The following WFS1 variants were observed in gnomAD, a reference collection of about 807,000 sequenced individuals.
WFS1 encodes the protein wolframin.
In WFS1, 90 loss-of-function variants were observed where a neutral mutation model predicts 68.5. The observed-to-expected ratio is 1.31, with a 90% CI of 1.11 to 1.56. The LOEUF is 1.56. Ranked by LOEUF, WFS1 falls within the 40% of genes most tolerant of loss-of-function variation. The pLI, the probability that WFS1 is intolerant of heterozygous loss-of-function variation, is 0.00. For synonymous variants in WFS1, 860 were observed against 540.7 expected, an observed-to-expected ratio of 1.59 and a Z score of -8.19; for missense variants, 1,767 against 1,232.6, an observed-to-expected ratio of 1.43 and a Z score of -6.49.
chr4:6,280,228 G>T (rs541530627), intron 2 of WFS1, among the ~76,000 whole-genome samples: 2 of 152,340 alleles, frequency 1.3e-5, no homozygotes, highest in East Asian at 3.9e-4. Context: ...GAGAGGTGTT[G>T]TCTGTCCTGA....
At position 6,283,099 on chromosome 4, in the gene WFS1, G is replaced by A. The variant is rs1244890604; in HGVS notation, c.233-3994G>A. ...ATGGCAGTGGGCTGTGCCGGGAAGG[G>A]GCGCATCCTGGAGGATGCCCTAGGT... On this transcript the variant is annotated intron_variant, in intron 2 of 7. Coordinates refer to ENST00000226760, the MANE Select transcript of WFS1 (RefSeq NM_006005.3). This position sits in a 1 kb window ranked among gnomAD's most constrained non-coding sequence, Gnocchi z 5.0. Among the ~76,000 whole-genome samples, 3 of 152,218 alleles carry A rather than the reference G, an allele frequency of 2.0e-5. No homozygotes were observed. The East Asian group carries it at 5.8e-4, about 29-fold the overall frequency.
chr4:6,289,101 C>T lies in WFS1; in HGVS notation c.430C>T (p.Leu144=). 1 of 1,582,390 alleles carries T rather than the reference C, an allele frequency of 6.3e-7. No individual in the cohort carries two copies. The highest frequency in any genetic ancestry group is 1.3e-5 in the African/African-American group (1 of 74,456). The stretch of plus-strand genomic sequence containing the variant: ...GCAGGGCCGTCGCGAGGCTGTGAAG[C>T]TGCTTCGCCGGTGCTTGGCGGACAG... The part of the protein sequence containing the change: ...AKQGRREAVK[L]LRRCLADRRG... Residue 144 remains leucine (L), a synonymous_variant, in exon 4 of 8, where the codon CTG becomes TTG. Coordinates refer to ENST00000226760, the MANE Select transcript of WFS1 (RefSeq NM_006005.3).
chr4:6,295,953 C>G (rs903381377), intron 7 of WFS1, among the ~76,000 whole-genome samples: 2 of 152,232 alleles, frequency 1.3e-5, no homozygotes, highest in African/African-American at 2.4e-5. Flanking sequence ...CCTCCTGACC[C>G]AGGATCCCCA....
chr4:6,291,420 A>G, intron 5 of WFS1, 53 bp downstream of exon 5: 1 of 1,598,358 alleles, frequency 6.3e-7, no homozygotes, highest in Non-Finnish European at 8.5e-7. Context: ...GCCTTCCCAC[A>G]GGAGCCAGGA....
chr4:6,275,500 G>A (rs894287093), intron 1 of WFS1, among the ~76,000 whole-genome samples: 3 of 151,200 alleles, frequency 2.0e-5, no homozygotes, highest in Non-Finnish European at 4.4e-5. Flanking sequence ...GGATGGAGCA[G>A]GCTCCCAAGC....
Position 6,286,227 on chromosome 4 carries a change from C to T in WFS1, c.233-866C>T, listed in dbSNP as rs1162396636. Among the ~76,000 whole-genome samples the T allele has an allele frequency of 3.3e-5, 5 of 152,070 alleles. No individual in the cohort carries two copies. The South Asian group carries it at 8.3e-4, about 25-fold the overall frequency. On this transcript the variant is annotated intron_variant, in intron 2 of 7. Coordinates refer to ENST00000226760, the MANE Select transcript of WFS1 (RefSeq NM_006005.3). ...TGAAAGTTTGTGTCTCTCCCAGATTCATTTGCTGAGGTCTTCACCCCCAGT... is the reference window on the plus strand; with the variant it reads ...TGAAAGTTTGTGTCTCTCCCAGATTTATTTGCTGAGGTCTTCACCCCCAGT...
In WFS1 at chr4:6,302,778, C is replaced by T; in HGVS notation, c.*310C>T. ...TTCCGGTGTCTGGAAAAGCACTTTACAGATGAGATTCCCTCTCCTCCCCCA... is the reference window on the plus strand; with the variant it reads ...TTCCGGTGTCTGGAAAAGCACTTTATAGATGAGATTCCCTCTCCTCCCCCA... On this transcript the variant is annotated 3_prime_UTR_variant, in exon 8 of 8. Coordinates refer to ENST00000226760, the MANE Select transcript of WFS1 (RefSeq NM_006005.3). 1 of 493,570 alleles carries T rather than the reference C, an allele frequency of 2.0e-6. No homozygotes were observed. Among genetic ancestry groups the T allele is most frequent in the Non-Finnish European group, 3.6e-6 (1 of 276,504 alleles). 30.6% of individuals were successfully genotyped at this position (493,570 alleles called of 1,614,324 possible).
At chr4:6,270,155 A>G (rs1215642362) in intron 1 of WFS1, 141 bp downstream of exon 1, 1 of 152,170 alleles carries the variant, frequency 6.6e-6, no homozygotes, top group Admixed American at 6.5e-5. Flanking sequence ...AAGTCCCGAC[A>G]AGGTCCCCGA....
chr4:6,280,583 G>T (rs1730132503), intron 2 of WFS1, among the ~76,000 whole-genome samples: 1 of 152,168 alleles, frequency 6.6e-6, no homozygotes, highest in Admixed American at 6.5e-5. Flanking sequence ...TAAAGGGCGG[G>T]CTCAGATGCA....
intron 4 of WFS1, among the ~76,000 whole-genome samples, 156 bp from the exon 5 acceptor site, chr4:6,291,039 CTT>C (rs1470595859): frequency 2.0e-5 from 3 of 152,330 alleles, no homozygotes; most frequent in East Asian, 3.9e-4. Context: ...GCGATGTCCT[CTT>C]GAGTCAGATG....
intron 1 of WFS1, among the ~76,000 whole-genome samples, chr4:6,271,662 G>C (rs1729847272): frequency 1.3e-5 from 2 of 152,118 alleles, no homozygotes; most frequent in African/African-American, 4.8e-5. Context: ...ACTCCCAGTT[G>C]GGTCTCTCCT....
intron 6 of WFS1, among the ~76,000 whole-genome samples, chr4:6,293,320 G>T (rs924075745): frequency 6.6e-6 from 1 of 152,128 alleles, no homozygotes; most frequent in Non-Finnish European, 1.5e-5. Flanking sequence ...GGTCCCCTCC[G>T]CCAGGCCCTC....
At chr4:6,288,844 C>A in intron 3 of WFS1, 143 bp from the exon 4 acceptor site, 1 of 1,250,276 alleles carries the variant, frequency 8.0e-7, no homozygotes, top group Non-Finnish European at 1.1e-6. Context: ...GCCTAGTGGA[C>A]ATGCCTGGTG....
At chr4:6,286,645 G>GA (rs1177726568) in intron 2 of WFS1, among the ~76,000 whole-genome samples, 1 of 152,210 alleles carries the variant, frequency 6.6e-6, no homozygotes, top group African/African-American at 2.4e-5. Flanking sequence ...TACAATCATG[G>GA]AAAACATGAA....
rs767881068 is a variant in WFS1 at position 6,301,379 on chromosome 4, C to G, written c.1584C>G (p.Tyr528Ter). Residue 528 changes from tyrosine to a stop codon, truncating the protein, a stop_gained, in exon 8 of 8, where the codon TAC becomes TAG. Transcript: ENST00000226760. LOFTEE classifies it high-confidence loss of function. ...AGCTGAGGAATTTCAAGGGCACCTA[C>G]TGCTACCTTGTGCCCTACCTGGTGT... ...MAQLRNFKGTYCYLVPYLVCF... is the reference protein window; with the variant it reads ...MAQLRNFKGT 2 of 1,612,634 alleles carry G rather than the reference C, an allele frequency of 1.2e-6. No individual in the cohort carries two copies. Among genetic ancestry groups the G allele is most frequent in the Non-Finnish European group, 1.7e-6 (2 of 1,180,040 alleles).
rs140051648 is a variant in WFS1, at chr4:6,271,062, C to T, written c.-6+1048C>T. ...TTCTCTTATGCCAGCATCCATCACT[C>T]AAGGAGCTGTGCCCTGGGTACCCCA... is the stretch of plus-strand genomic sequence containing the variant. On this transcript the variant is annotated intron_variant, in intron 1 of 7. Transcript: ENST00000226760. Among the ~76,000 whole-genome samples the T allele has an allele frequency of 3.8e-3, 585 of 152,348 alleles. 4 individuals are homozygous for T. Among genetic ancestry groups the T allele is most frequent in the African/African-American group, 0.013 (561 of 41,594 alleles).
intron 5 of WFS1, 24 bp from the exon 6 acceptor site, chr4:6,291,893 G>C: frequency 1.2e-6 from 2 of 1,602,184 alleles, no homozygotes; most frequent in Non-Finnish European, 1.7e-6. Flanking sequence ...TTGTCTGACT[G>C]TTAATCCACC....
rs11725500 is a variant in WFS1 at position 6,292,192 on chromosome 4, C to G, written c.712+195C>G. ...AGGATCTCAGGCGGTCCGTTTGGGG[C>G]TCAGTGTTCTGGACGCTGGGAGTAG... On this transcript the variant is annotated intron_variant, in intron 6 of 7. Transcript: ENST00000226760. 0.64 allele frequency among the ~76,000 whole-genome samples: 97,252 copies of G among 152,008 alleles called. 31,727 individuals are homozygous for G. The highest frequency in any genetic ancestry group is 0.93 in the East Asian group (4,810 of 5,148).
At chr4:6,290,745 C>T (rs1007959682) in intron 4 of WFS1, among the ~76,000 whole-genome samples, 2 of 152,174 alleles carry the variant, frequency 1.3e-5, no homozygotes, top group African/African-American at 4.8e-5. Context: ...AAGGGCTGGG[C>T]TGTGTGTGAG....
Sources: allele counts gnomAD v4.1 joint callset (sites outside exome capture counted in the v4.1 genomes callset), GRCh38; gene constraint gnomAD v4.1.1; non-coding constraint Gnocchi (gnomAD v3.1); transcripts MANE v1.5; gene names NCBI Gene and HGNC (gene_info 2026-07-23, HGNC 2026-07-21).